CSRNP2: variants seen among roughly 807,000 people sequenced by gnomAD.
CSRNP2 encodes cysteine/serine-rich nuclear protein 2.
CSRNP2 carries 11 observed loss-of-function variants against 36.6 expected under a neutral mutation model. That is an observed-to-expected ratio of 0.30 (90% CI 0.19 to 0.50). CSRNP2 has a LOEUF of 0.50. Ranked by LOEUF, CSRNP2 falls within the 20% of genes least tolerant of loss-of-function variation. CSRNP2 has a pLI of 0.98. For missense variants in CSRNP2, 483 were observed against 691.4 expected (o/e 0.70, Z 3.38); for synonymous variants, 248 against 275.3 (o/e 0.90, Z 0.98).
chr12:51,065,449 A>G (rs1366226837), intron 4 of CSRNP2, among the ~76,000 whole-genome samples: 1 of 152,116 alleles, frequency 6.6e-6, no homozygotes, highest in Non-Finnish European at 1.5e-5. Context: ...ACAAATCACA[A>G]TGTCTTTCTA....
chr12:51,075,401 T>C (rs569397328), intron 2 of CSRNP2, among the ~76,000 whole-genome samples: 4 of 152,190 alleles, frequency 2.6e-5, no homozygotes, highest in South Asian at 4.2e-4. Context: ...CGTGAGCCAC[T>C]GCGCCCAGCC....
Position 51,073,993 on chromosome 12 carries a change from C to T in CSRNP2, c.241G>A (p.Gly81Ser). 6.2e-7 allele frequency: 1 copy of T among 1,614,230 alleles called. No homozygotes were observed. The highest frequency in any genetic ancestry group is 8.5e-7 in the Non-Finnish European group (1 of 1,180,034). The part of the protein sequence containing the change: ...VTVYYFARRQ[G>S]FTSVPSQGGS... ...CCCTGGCTGGGCACACTGGTAAAAC[C>T]TTGGCGCCGGGCAAAGTAGTATACA... is the stretch of plus-strand genomic sequence containing the variant. Residue 81 changes from glycine (G) to serine (S), a missense_variant, in exon 3 of 5, where the codon GGT becomes AGT. Coordinates refer to ENST00000228515, the MANE Select transcript of CSRNP2 (RefSeq NM_030809.3).
chr12:51,081,948 C>CAT, intron 1 of CSRNP2, among the ~76,000 whole-genome samples: 1 of 152,328 alleles, frequency 6.6e-6, no homozygotes, highest in Non-Finnish European at 1.5e-5. Context: ...AAGTCTCTTT[C>CAT]TTAAATGAGT....
At position 51,073,914 on chromosome 12, in the gene CSRNP2, A is replaced by G. The variant is rs1429223015; in HGVS notation, c.320T>C (p.Leu107Pro). 6.2e-7 allele frequency: 1 copy of G among 1,614,080 alleles called. No individual in the cohort carries two copies. Among genetic ancestry groups the G allele is most frequent in the Non-Finnish European group, 8.5e-7 (1 of 1,180,000 alleles). ...QRHNSVRSYT[L>P]CEFAQEQEVN... The stretch of plus-strand genomic sequence containing the variant: ...CTCCTGTTCCTGGGCAAACTCACAG[A>G]GTGTATAGCTCCGTACAGAGTTATG... Residue 107 changes from leucine (L) to proline (P), a missense_variant, in exon 3 of 5, where the codon CTC becomes CCC. Leu to Pro is a moderately conservative substitution (Grantham distance 98). This residue lies in a region of CSRNP2 where 206 missense variants were observed against 367.8 expected (regional missense o/e 0.56). Coordinates refer to ENST00000228515, the MANE Select transcript of CSRNP2 (RefSeq NM_030809.3).
chr12:51,061,582 C>CACTT lies in CSRNP2; in HGVS notation c.*2160_*2163dup, dbSNP rs1592731315. 1.3e-5 allele frequency: 2 copies of CACTT among 152,528 alleles called. No individual in the cohort carries two copies. The highest frequency in any genetic ancestry group is 4.1e-4 in the South Asian group (2 of 4,824). The allele number at this position is 152,528 out of a possible 1,614,324, so 9.4% of individuals were successfully genotyped here. On this transcript the variant is annotated 3_prime_UTR_variant, in exon 5 of 5. Coordinates refer to ENST00000228515, the MANE Select transcript of CSRNP2 (RefSeq NM_030809.3). ...GTTAATGCTAAATGTTAATATTTAG[C>CACTT]ACTTAAAAGTTTGGGATCAGTGTGA...
chr12:51,078,275 G>A (rs1036371562), intron 1 of CSRNP2, among the ~76,000 whole-genome samples: 3 of 152,042 alleles, frequency 2.0e-5, no homozygotes, highest in African/African-American at 4.8e-5. Context: ...CCTTAGAGAA[G>A]GTATTTCCTA....
At position 51,074,010 on chromosome 12, in the gene CSRNP2, T is replaced by C; in HGVS notation, c.224A>G (p.Tyr75Cys). ...GGTAAAACCTTGGCGCCGGGCAAAG[T>C]AGTATACAGTCACCTGGTCAAAGCG... ...NVRFDQVTVY[Y>C]FARRQGFTSV... Residue 75 changes from tyrosine (Y) to cysteine (C), a missense_variant, in exon 3 of 5, where the codon TAC (tyrosine) becomes TGC (cysteine). Transcript: ENST00000228515. 1 of 1,614,176 alleles carries C rather than the reference T, an allele frequency of 6.2e-7. No homozygotes were observed. Among genetic ancestry groups the C allele is most frequent in the African/African-American group, 1.3e-5 (1 of 75,042 alleles).
intron 3 of CSRNP2, among the ~76,000 whole-genome samples, chr12:51,071,208 C>T (rs572091796): frequency 2.0e-5 from 3 of 147,320 alleles, no homozygotes; most frequent in Non-Finnish European, 4.4e-5. Context: ...TGCAGTTAAC[C>T]GAGATTGCGC....
In CSRNP2 at chr12:51,076,653, C is replaced by T. The variant is rs1939414323; in HGVS notation, c.-86-6G>A. On this transcript the variant is annotated splice_region_variant and splice_polypyrimidine_tract_variant and intron_variant, in intron 1 of 4. Coordinates refer to ENST00000228515, the MANE Select transcript of CSRNP2 (RefSeq NM_030809.3). ...TAGCCAGGTACATTAGGATTCTGCC[C>T]AGGGAAAAAAAGGAATCAGCATTCC... 2 of 1,471,700 alleles carry T rather than the reference C, an allele frequency of 1.4e-6. No individual in the cohort carries two copies. The highest frequency in any genetic ancestry group is 2.3e-5 in the East Asian group (1 of 44,034). The allele number at this position is 1,471,700 out of a possible 1,614,324, so 91.2% of individuals were successfully genotyped here.
chr12:51,073,116 G>A (rs985483505), intron 3 of CSRNP2, among the ~76,000 whole-genome samples: 5 of 152,250 alleles, frequency 3.3e-5, no homozygotes, highest in Admixed American at 3.3e-4. Context: ...ATACTTGGGA[G>A]GCTGAGATTG....
intron 1 of CSRNP2, chr12:51,081,404 A>G (rs1191180829): frequency 6.6e-6 from 1 of 152,248 alleles, no homozygotes; most frequent in Non-Finnish European, 1.5e-5. Flanking sequence ...TCAAACTACA[A>G]CTAGAAAAAT....
chr12:51,083,370 G>T lies in CSRNP2; in HGVS notation c.-118C>A. 1 of 154,458 alleles carries T rather than the reference G, an allele frequency of 6.5e-6. No homozygotes were observed. The highest frequency in any genetic ancestry group is 1.8e-4 in the South Asian group (1 of 5,584). 9.6% of individuals were successfully genotyped at this position (154,458 alleles called of 1,614,324 possible). ...CGCCGCAGCTGCCTCCTCCCGTGAT[G>T]GTCTCTGCCGCCCCCGCTGCCGCCG... On this transcript the variant is annotated 5_prime_UTR_variant, in exon 1 of 5. Coordinates refer to ENST00000228515, the MANE Select transcript of CSRNP2 (RefSeq NM_030809.3).
Position 51,063,535 on chromosome 12 carries a change from A to G in CSRNP2, c.*211T>C. On this transcript the variant is annotated 3_prime_UTR_variant, in exon 5 of 5. Transcript: ENST00000228515. ...GCACTACGCAGCTTTCTTTGCCCCA[A>G]GACTATCCCCAGATCAAGGTAGGGC... 2.5e-6 allele frequency: 1 copy of G among 405,176 alleles called. No homozygotes were observed. The highest frequency in any genetic ancestry group is 2.0e-5 in the African/African-American group (1 of 50,352). The allele number at this position is 405,176 out of a possible 1,614,324, so 25.1% of individuals were successfully genotyped here.
chr12:51,081,231 T>C (rs2136936596), intron 1 of CSRNP2, among the ~76,000 whole-genome samples: 1 of 152,286 alleles, frequency 6.6e-6, no homozygotes, highest in Non-Finnish European at 1.5e-5. Flanking sequence ...GAGGTTGCAG[T>C]GAGCTGAGAT....
rs1333839920 is a variant in CSRNP2 at position 51,067,304 on chromosome 12, G to A, written c.708+369C>T. 6.6e-6 allele frequency among the ~76,000 whole-genome samples: 1 copy of A among 152,030 alleles called. No homozygotes were observed. Among genetic ancestry groups the A allele is most frequent in the African/African-American group, 2.4e-5 (1 of 41,398 alleles). ...TGAGAAATGAAACAAAAAAAGATGAGATACCTCCACAGCCTAAGAATCCTG... is the reference window on the plus strand; with the variant it reads ...TGAGAAATGAAACAAAAAAAGATGAAATACCTCCACAGCCTAAGAATCCTG... On this transcript the variant is annotated intron_variant, in intron 4 of 4. Coordinates refer to ENST00000228515, the MANE Select transcript of CSRNP2 (RefSeq NM_030809.3). This position sits in a 1 kb window ranked among gnomAD's most constrained non-coding sequence, Gnocchi z 4.1.
Position 51,067,553 on chromosome 12 carries a change from G to T in CSRNP2, c.708+120C>A. On this transcript the variant is annotated intron_variant, in intron 4 of 4. Coordinates refer to ENST00000228515, the MANE Select transcript of CSRNP2 (RefSeq NM_030809.3). This position sits in a 1 kb window ranked among gnomAD's most constrained non-coding sequence, Gnocchi z 4.1. ...TTGACGGAGGAGGGTTGTGGAACTGGAGAGTGTTCACAACCATAGGGAATC... is the reference window on the plus strand; with the variant it reads ...TTGACGGAGGAGGGTTGTGGAACTGTAGAGTGTTCACAACCATAGGGAATC... 2 of 912,990 alleles carry T rather than the reference G, an allele frequency of 2.2e-6. No individual in the cohort carries two copies. The highest frequency in any genetic ancestry group is 3.4e-6 in the Non-Finnish European group (2 of 594,498). The allele number at this position is 912,990 out of a possible 1,614,324, so 56.6% of individuals were successfully genotyped here.
Position 51,076,531 on chromosome 12 carries a change from T to C in CSRNP2, c.31A>G (p.Arg11Gly). ...CCCACATCCACATCATCAAACTTCC[T>C]CTTGAGACCCGAGCCCGTGAATGCA... MDAFTGSGLK[R>G]KFDDVDVGSS... Residue 11 changes from arginine to glycine, a missense_variant, in exon 2 of 5, where the codon AGG becomes GGG. Around this residue, in one of 2 missense-constraint regions of CSRNP2, gnomAD observed 206 missense variants for 367.8 expected, o/e 0.56. Coordinates refer to ENST00000228515, the MANE Select transcript of CSRNP2 (RefSeq NM_030809.3). 1 of 1,614,008 alleles carries C rather than the reference T, an allele frequency of 6.2e-7. No individual in the cohort carries two copies. Among genetic ancestry groups the C allele is most frequent in the Non-Finnish European group, 8.5e-7 (1 of 1,180,020 alleles).
chr12:51,063,016 CTT>C lies in CSRNP2; in HGVS notation c.*728_*729del, dbSNP rs1346772065. 6.6e-6 allele frequency: 1 copy of C among 152,166 alleles called. No homozygotes were observed. Among genetic ancestry groups the C allele is most frequent in the African/African-American group, 2.4e-5 (1 of 41,408 alleles). The allele number at this position is 152,166 out of a possible 1,614,324, so 9.4% of individuals were successfully genotyped here. On this transcript the variant is annotated 3_prime_UTR_variant, in exon 5 of 5. Transcript: ENST00000228515. ...TACCATATCCCCAGCCAATCCAGCT[CTT>C]TCTCCGAAGGAAAAAGGATGGAGAG...
rs149280106 is a variant in CSRNP2, at chr12:51,077,352, G to T, written c.-86-705C>A. On this transcript the variant is annotated intron_variant, in intron 1 of 4. Transcript: ENST00000228515. Reference sequence around the variant, plus strand: ...AGAAATACGACTGCTGTGTCAAAAGGGTTTTAAAAATTGCCTATAGTGGAA... The same window carrying T: ...AGAAATACGACTGCTGTGTCAAAAGTGTTTTAAAAATTGCCTATAGTGGAA... Among the ~76,000 whole-genome samples the T allele has an allele frequency of 7.7e-4, 117 of 152,234 alleles. No homozygotes were observed. In the Middle Eastern group the frequency reaches 0.021, roughly 27 times the overall value.
Sources: allele counts gnomAD v4.1 joint callset (sites outside exome capture counted in the v4.1 genomes callset), GRCh38; gene constraint gnomAD v4.1.1; regional missense constraint gnomAD v4.1.1; non-coding constraint Gnocchi (gnomAD v3.1); transcripts MANE v1.5; gene names NCBI Gene and HGNC (gene_info 2026-07-23, HGNC 2026-07-21).